The following BMPR1B variants were observed in gnomAD, a reference collection of about 807,000 sequenced individuals.
BMPR1B encodes the protein bone morphogenetic protein receptor type 1B.
In BMPR1B, 12 loss-of-function variants were observed where a neutral mutation model predicts 59.1. The observed-to-expected ratio is 0.20, with a 90% CI of 0.13 to 0.33. The LOEUF (loss-of-function observed/expected upper bound fraction) is 0.33. Among genes scored for constraint, BMPR1B ranks in the 10% least tolerant of loss-of-function variants. The pLI, the probability that BMPR1B is intolerant of heterozygous loss-of-function variation, is 1.00. For missense variants in BMPR1B, 550 were observed against 610.9 expected (o/e 0.90, Z 1.05); for synonymous variants, 237 against 207.3 (o/e 1.14, Z -1.23).
At chr4:95,141,023 A>T (rs1734196341) in intron 10 of BMPR1B, among the ~76,000 whole-genome samples, 1 of 152,166 alleles carries the variant, frequency 6.6e-6, no homozygotes, top group Non-Finnish European at 1.5e-5. Flanking sequence ...AGAGATGAAG[A>T]GATGAAGATG....
intron 2 of BMPR1B, among the ~76,000 whole-genome samples, chr4:94,953,862 G>A (rs566741836): frequency 6.6e-6 from 1 of 152,104 alleles, no homozygotes; most frequent in African/African-American, 2.4e-5. Context: ...TTCCAACTTG[G>A]TTCCATTCTC....
chr4:94,780,427 G>A lies in BMPR1B; in HGVS notation c.-183+22359G>A, dbSNP rs112952986. Among the ~76,000 whole-genome samples the A allele has an allele frequency of 2.7e-3, 412 of 152,146 alleles. 3 individuals carry two copies. Among genetic ancestry groups the A allele is most frequent in the African/African-American group, 9.5e-3 (395 of 41,506 alleles). On this transcript the variant is annotated intron_variant, in intron 1 of 12. Coordinates refer to ENST00000515059, the MANE Select transcript of BMPR1B (RefSeq NM_001203.3). The stretch of plus-strand genomic sequence containing the variant: ...ATATTTATACATTCATTAGTTGATG[G>A]ACATTTGTGTTGTTTATACTTTTTG...
intron 10 of BMPR1B, among the ~76,000 whole-genome samples, chr4:95,140,570 A>G (rs1734156590): frequency 6.6e-6 from 1 of 152,030 alleles, no homozygotes; most frequent in Non-Finnish European, 1.5e-5. Flanking sequence ...TTCATCCCCC[A>G]GCTGAGAATA....
At chr4:94,870,452 T>A (rs1726442189) in intron 1 of BMPR1B, among the ~76,000 whole-genome samples, 1 of 146,832 alleles carries the variant, frequency 6.8e-6, no homozygotes, top group Non-Finnish European at 1.5e-5. Context: ...TGCCATGTGA[T>A]GGTTATGGAG....
chr4:94,992,360 C>T (rs1476446354), intron 2 of BMPR1B, among the ~76,000 whole-genome samples: 1 of 152,192 alleles, frequency 6.6e-6, no homozygotes, highest in Non-Finnish European at 1.5e-5. Context: ...ACTACCTTGC[C>T]TGGGCATGGG....
chr4:95,032,759 C>G (rs1724969987), intron 3 of BMPR1B, among the ~76,000 whole-genome samples: 1 of 152,094 alleles, frequency 6.6e-6, no homozygotes. Flanking sequence ...TTTCATTTAT[C>G]TTTTCATCCA....
chr4:95,090,229 A>G (rs928479711), intron 3 of BMPR1B, among the ~76,000 whole-genome samples: 13 of 151,988 alleles, frequency 8.6e-5, no homozygotes, highest in Admixed American at 5.9e-4. Context: ...GTATATAAAC[A>G]GCAATAAAAA....
intron 3 of BMPR1B, among the ~76,000 whole-genome samples, chr4:95,009,120 A>G (rs1420392885): frequency 6.6e-6 from 1 of 152,204 alleles, no homozygotes; most frequent in East Asian, 1.9e-4. Flanking sequence ...TAAAAATATA[A>G]AAGTCTGAAA....
intron 1 of BMPR1B, among the ~76,000 whole-genome samples, chr4:94,840,632 C>G (rs1322717638): frequency 6.9e-6 from 1 of 145,230 alleles, no homozygotes; most frequent in Non-Finnish European, 1.5e-5. Flanking sequence ...TTAAGCACTT[C>G]TTTGTATTGG....
At chr4:94,910,804 C>T (rs192690987) in intron 2 of BMPR1B, among the ~76,000 whole-genome samples, 477 of 152,032 alleles carry the variant, frequency 3.1e-3, no homozygotes, top group Non-Finnish European at 5.9e-3. Flanking sequence ...CTCAGCTGCT[C>T]AGGAGGCGGA....
At chr4:95,041,979 C>T (rs1399658823) in intron 3 of BMPR1B, among the ~76,000 whole-genome samples, 1 of 152,094 alleles carries the variant, frequency 6.6e-6, no homozygotes. Flanking sequence ...GCCTCAGCCT[C>T]CTGAGTAGCT....
intron 2 of BMPR1B, among the ~76,000 whole-genome samples, chr4:94,918,112 A>G (rs1196586463): frequency 6.6e-6 from 1 of 152,148 alleles, no homozygotes; most frequent in Non-Finnish European, 1.5e-5. Flanking sequence ...TGGCAGAACT[A>G]TGAGCCAGTT....
At chr4:95,059,433 G>T (rs1384011264) in intron 3 of BMPR1B, among the ~76,000 whole-genome samples, 2 of 152,208 alleles carry the variant, frequency 1.3e-5, no homozygotes, top group Admixed American at 6.5e-5. Context: ...CAAATTGGGG[G>T]AAGAGTCTAA....
chr4:94,799,717 G>A (rs1340674359), intron 1 of BMPR1B, among the ~76,000 whole-genome samples: 1 of 151,418 alleles, frequency 6.6e-6, no homozygotes, highest in African/African-American at 2.4e-5. Context: ...CTGAGACAGA[G>A]TCTCACTCTG....
chr4:94,898,468 A>T (rs1408589390), intron 2 of BMPR1B, among the ~76,000 whole-genome samples: 2 of 151,958 alleles, frequency 1.3e-5, no homozygotes, highest in African/African-American at 4.8e-5. Flanking sequence ...GTTCTTGGGG[A>T]TAGCGAGAGA....
At chr4:94,792,912 A>C (rs1302160593) in intron 1 of BMPR1B, among the ~76,000 whole-genome samples, 1 of 152,240 alleles carries the variant, frequency 6.6e-6, no homozygotes, top group East Asian at 1.9e-4. Flanking sequence ...TTTTTAGAAA[A>C]TTACTGTCTC....
chr4:95,132,868 C>T (rs1308848722), intron 10 of BMPR1B, among the ~76,000 whole-genome samples: 1 of 152,166 alleles, frequency 6.6e-6, no homozygotes, highest in East Asian at 1.9e-4. Context: ...CAGAGGCCTT[C>T]TCTATTGCCA....
At chr4:94,920,849 T>C (rs374871471) in intron 2 of BMPR1B, among the ~76,000 whole-genome samples, 3 of 152,200 alleles carry the variant, frequency 2.0e-5, no homozygotes, top group African/African-American at 7.2e-5. Flanking sequence ...GTTTTCCAAG[T>C]GGCTAAAAAG....
intron 8 of BMPR1B, 75 bp from the exon 9 acceptor site, chr4:95,129,787 T>G (rs1167616409): frequency 6.8e-7 from 1 of 1,476,342 alleles, no homozygotes; most frequent in Non-Finnish European, 9.4e-7. Context: ...TAATCGTTTC[T>G]TCTCTGGAGA....
Sources: allele counts gnomAD v4.1 joint callset (sites outside exome capture counted in the v4.1 genomes callset), GRCh38; gene constraint gnomAD v4.1.1; transcripts MANE v1.5; gene names NCBI Gene and HGNC (gene_info 2026-07-23, HGNC 2026-07-21).